Variants in ALK observed in about 807,000 individuals in gnomAD.
ALK encodes ALK tyrosine kinase receptor.
A neutral mutation model predicts 163.1 loss-of-function variants in ALK; 74 were observed. The ratio of observed to expected loss-of-function variants is 0.45; its 90% confidence interval spans 0.38 to 0.55. ALK has a LOEUF of 0.55. Among genes scored for constraint, ALK ranks in the 20% least tolerant of loss-of-function variants. ALK has a pLI of 0.00. For synonymous variants in ALK, 960 were observed against 843.2 expected, an observed-to-expected ratio of 1.14 and a Z score of -2.40; for missense variants, 2,063 against 2,105.3, an observed-to-expected ratio of 0.98 and a Z score of 0.39.
At chr2:29,885,965 G>T (rs1047759991) in intron 1 of ALK, among the ~76,000 whole-genome samples, 1 of 152,038 alleles carries the variant, frequency 6.6e-6, no homozygotes, top group African/African-American at 2.4e-5. Context: ...TGCCTCTCCT[G>T]CCTTCTCTTC....
intron 3 of ALK, among the ~76,000 whole-genome samples, chr2:29,619,608 C>T (rs1462569009): frequency 6.6e-6 from 1 of 152,162 alleles, no homozygotes; most frequent in South Asian, 2.1e-4. Context: ...TCTGGAACAC[C>T]CTGACTTACA....
At chr2:29,706,598 C>A (rs2148298719) in intron 2 of ALK, among the ~76,000 whole-genome samples, 1 of 152,326 alleles carries the variant, frequency 6.6e-6, no homozygotes, top group East Asian at 1.9e-4. Flanking sequence ...AAGTCTCCTT[C>A]CATCAATCAA....
chr2:29,746,747 C>A (rs981886683), intron 1 of ALK, among the ~76,000 whole-genome samples: 6 of 152,162 alleles, frequency 3.9e-5, no homozygotes, highest in African/African-American at 1.4e-4. Context: ...TAGGTGCTAC[C>A]TTTGAGATAT....
chr2:29,198,070 C>G (rs1387757166), intron 26 of ALK, among the ~76,000 whole-genome samples: 1 of 152,058 alleles, frequency 6.6e-6, no homozygotes, highest in South Asian at 2.1e-4. Context: ...GTTGGTTTGC[C>G]TTATCATTTC....
At chr2:29,820,802 G>A (rs965388363) in intron 1 of ALK, among the ~76,000 whole-genome samples, 17 of 152,306 alleles carry the variant, frequency 1.1e-4, no homozygotes, top group African/African-American at 4.1e-4. Flanking sequence ...TGTGATGTTG[G>A]AGAACCAACC....
intron 13 of ALK, among the ~76,000 whole-genome samples, chr2:29,236,047 G>C (rs1664371259): frequency 6.7e-6 from 1 of 149,042 alleles, no homozygotes; most frequent in Non-Finnish European, 1.5e-5. Context: ...ACAGGGTCTT[G>C]CTGTGTTGCC....
intron 3 of ALK, among the ~76,000 whole-genome samples, chr2:29,551,715 ACT>A (rs1344519267): frequency 6.6e-6 from 1 of 152,072 alleles, no homozygotes; most frequent in East Asian, 1.9e-4. Context: ...TAAATATATG[ACT>A]CTACACACAG....
At chr2:29,461,348 T>G (rs1041366563) in intron 4 of ALK, among the ~76,000 whole-genome samples, 1 of 152,170 alleles carries the variant, frequency 6.6e-6, no homozygotes, top group African/African-American at 2.4e-5. Context: ...CAATATAGAT[T>G]AAAACTTCCT....
chr2:29,207,841 T>G (rs1211893866), intron 25 of ALK, among the ~76,000 whole-genome samples: 1 of 152,238 alleles, frequency 6.6e-6, no homozygotes, highest in Non-Finnish European at 1.5e-5. Flanking sequence ...ATGAGTTAAT[T>G]TATTAGTTTT....
chr2:29,557,407 C>T (rs145647124), intron 3 of ALK, among the ~76,000 whole-genome samples: 122 of 152,292 alleles, frequency 8.0e-4, no homozygotes, highest in African/African-American at 2.6e-3. Flanking sequence ...ATAATTCCAG[C>T]CAGATTCTCA....
chr2:29,406,226 C>G (rs538469497), intron 4 of ALK, among the ~76,000 whole-genome samples: 51 of 152,312 alleles, frequency 3.3e-4, no homozygotes, highest in Admixed American at 2.2e-3. Context: ...TCTGGGGCGG[C>G]CTCTATAGCA....
chr2:29,592,481 A>C (rs1675089458), intron 3 of ALK, among the ~76,000 whole-genome samples: 1 of 152,184 alleles, frequency 6.6e-6, no homozygotes, highest in Non-Finnish European at 1.5e-5. Context: ...TGGTGGGAGA[A>C]GGGAGTGAAA....
At chr2:29,882,238 T>C (rs1666886445) in intron 1 of ALK, among the ~76,000 whole-genome samples, 1 of 152,140 alleles carries the variant, frequency 6.6e-6, no homozygotes. Context: ...CCGGAAAGTT[T>C]AAAATCAAGA....
chr2:29,487,913 C>G (rs942158150), intron 4 of ALK, among the ~76,000 whole-genome samples: 15 of 152,144 alleles, frequency 9.9e-5, no homozygotes, highest in Non-Finnish European at 1.3e-4. Context: ...AGCTCAAATT[C>G]AAAGACAGAG....
At position 29,614,619 on chromosome 2, in the gene ALK, C is replaced by T. The variant is rs1573500218; in HGVS notation, c.952+80231G>A. ...GCCCCATGCTTGGGCAGGGCCTCCACGAGCCCAATTTCAGCAAGAATCCTG... is the reference window on the plus strand; with the variant it reads ...GCCCCATGCTTGGGCAGGGCCTCCATGAGCCCAATTTCAGCAAGAATCCTG... On this transcript the variant is annotated intron_variant, in intron 3 of 28. Transcript: ENST00000389048. 3.9e-5 allele frequency among the ~76,000 whole-genome samples: 6 copies of T among 152,334 alleles called. No individual in the cohort carries two copies. In the South Asian group the frequency reaches 6.2e-4, roughly 16 times the overall value.
At chr2:29,694,630 T>G (rs1284298801) in intron 3 of ALK, among the ~76,000 whole-genome samples, 3 of 152,230 alleles carry the variant, frequency 2.0e-5, no homozygotes, top group Non-Finnish European at 4.4e-5. Context: ...CTACTTTTAT[T>G]ACTTGTTAAA....
chr2:29,588,320 C>A (rs1177254023), intron 3 of ALK, among the ~76,000 whole-genome samples: 1 of 152,156 alleles, frequency 6.6e-6, no homozygotes, highest in African/African-American at 2.4e-5. Flanking sequence ...AACCCCCACC[C>A]ACCAGGTTCA....
chr2:29,544,650 ATATCTG>A (rs770486862), intron 3 of ALK, among the ~76,000 whole-genome samples: 2 of 151,940 alleles, frequency 1.3e-5, no homozygotes, highest in African/African-American at 2.4e-5. Context: ...ATCTATATCT[ATATCTG>A]TATCATCTCT....
intron 3 of ALK, among the ~76,000 whole-genome samples, chr2:29,636,148 T>G (rs1023243191): frequency 2.6e-5 from 4 of 152,098 alleles, no homozygotes; most frequent in Admixed American, 6.6e-5. Flanking sequence ...AATCAAGACA[T>G]GTGGTGTTGG....
Sources: allele counts gnomAD v4.1 joint callset (sites outside exome capture counted in the v4.1 genomes callset), GRCh38; gene constraint gnomAD v4.1.1; transcripts MANE v1.5; gene names NCBI Gene and HGNC (gene_info 2026-07-23, HGNC 2026-07-21).